Variants in MYO7A observed in about 807,000 individuals in gnomAD.
MYO7A encodes myosin VIIA, also known as unconventional myosin-VIIa.
Under a neutral mutation model 263.8 loss-of-function variants are expected in MYO7A, and 210 were observed. The observed-to-expected ratio is 0.80, with a 90% confidence interval of 0.71 to 0.89. MYO7A has a LOEUF of 0.89. Among genes scored for constraint, MYO7A ranks in the 40% least tolerant of loss-of-function variants. The pLI, the probability that MYO7A is intolerant of heterozygous loss-of-function variation, is 0.00. For synonymous variants in MYO7A, 1,239 were observed against 1,197.3 expected (o/e 1.03, Z -0.72); for missense variants, 2,820 against 2,968.3 (o/e 0.95, Z 1.16).
Position 77,206,210 on chromosome 11 carries a change from T to C in MYO7A, c.5742+8T>C. 1 of 1,604,156 alleles carries C rather than the reference T, an allele frequency of 6.2e-7. No homozygotes were observed. Among genetic ancestry groups the C allele is most frequent in the Non-Finnish European group, 8.5e-7 (1 of 1,173,786 alleles). On this transcript the variant is annotated splice_region_variant and intron_variant, in intron 41 of 48. Transcript: ENST00000409709. ...CCTGATGACACTGACGAGGTGAGGGTCACCGGCTTCTAGGTCTGCAGTGCC... is the reference window on the plus strand; with the variant it reads ...CCTGATGACACTGACGAGGTGAGGGCCACCGGCTTCTAGGTCTGCAGTGCC...
At chr11:77,129,165 C>T (rs1464172049) in intron 1 of MYO7A, among the ~76,000 whole-genome samples, 1 of 152,242 alleles carries the variant, frequency 6.6e-6, no homozygotes, top group Non-Finnish European at 1.5e-5. Context: ...GGCTCTGCCC[C>T]CAGCCCTCAT....
In MYO7A at chr11:77,183,175, G is replaced by A. The variant is rs992245684; in HGVS notation, c.3375+18G>A. The A allele has an allele frequency of 2.4e-5, 37 of 1,549,634 alleles. No homozygotes were observed. Among genetic ancestry groups the A allele is most frequent in the Non-Finnish European group, 3.2e-5 (37 of 1,145,936 alleles). On this transcript the variant is annotated intron_variant, in intron 26 of 48. Coordinates refer to ENST00000409709, the MANE Select transcript of MYO7A (RefSeq NM_000260.4). ...CAGAGGAGGTGAGGGCAGACGCTGGGGGTCTGGCAGCCCAGGGGTGGCTGC... is the reference window on the plus strand; with the variant it reads ...CAGAGGAGGTGAGGGCAGACGCTGGAGGTCTGGCAGCCCAGGGGTGGCTGC...
At chr11:77,212,074 C>T (rs1291522606) in intron 46 of MYO7A, 137 bp downstream of exon 46, 9 of 763,558 alleles carry the variant, frequency 1.2e-5, no homozygotes, top group Non-Finnish European at 1.8e-5. Context: ...GCAGCACCCT[C>T]AGCCTTGTCC....
intron 2 of MYO7A, among the ~76,000 whole-genome samples, chr11:77,136,848 C>T (rs1950921834): frequency 1.3e-5 from 2 of 152,178 alleles, no homozygotes; most frequent in African/African-American, 2.4e-5. Flanking sequence ...TCTTAGTGGC[C>T]ATGCTATCCT....
chr11:77,137,471 A>G (rs530793523), intron 2 of MYO7A, among the ~76,000 whole-genome samples: 1 of 152,262 alleles, frequency 6.6e-6, no homozygotes, highest in East Asian at 1.9e-4. Context: ...AGAGGAAGAA[A>G]AAGGAGGAAA....
intron 2 of MYO7A, among the ~76,000 whole-genome samples, chr11:77,132,466 G>T (rs1555046301): frequency 1.3e-5 from 2 of 148,906 alleles, no homozygotes; most frequent in Non-Finnish European, 3.0e-5. Context: ...GAAAACAGGG[G>T]TTTTGTTTGT....
At position 77,157,393 on chromosome 11, in the gene MYO7A, G is replaced by A. The variant is rs781916556; in HGVS notation, c.849+1G>A. On this transcript the variant is annotated splice_donor_variant, in intron 8 of 48. Transcript: ENST00000409709. LOFTEE classifies it high-confidence loss of function. ...CTCTGACTACAACTACTTGGCCATG[G>A]TGAGGCCCAGGTGGGCCCCTGGGTA... 1.2e-6 allele frequency: 2 copies of A among 1,600,148 alleles called. No homozygotes were observed. Among genetic ancestry groups the A allele is most frequent in the Non-Finnish European group, 1.7e-6 (2 of 1,172,976 alleles).
At chr11:77,181,326 G>A in intron 22 of MYO7A, 54 bp from the exon 23 acceptor site, 1 of 1,484,080 alleles carries the variant, frequency 6.7e-7, no homozygotes, top group Non-Finnish European at 9.0e-7. Context: ...TGTTCCCTGA[G>A]GCTGTGGCAC....
chr11:77,160,276 C>T lies in MYO7A; in HGVS notation c.1194C>T (p.Phe398=), dbSNP rs1347045882. Reference sequence around the variant, plus strand: ...AGGCACTGGACGTGCGCGACGCCTTCGTAAAGGTGGGCTGGAGGGAAGGGG... The same window carrying T: ...AGGCACTGGACGTGCGCGACGCCTTTGTAAAGGTGGGCTGGAGGGAAGGGG... ...REQALDVRDA[F]VKGIYGRLFV... Residue 398 remains phenylalanine, a synonymous_variant, in exon 11 of 49, where the codon TTC becomes TTT. Transcript: ENST00000409709. The T allele has an allele frequency of 1.7e-5, 26 of 1,561,492 alleles. No homozygotes were observed. Among genetic ancestry groups the T allele is most frequent in the African/African-American group, 5.4e-5 (4 of 73,462 alleles).
intron 39 of MYO7A, among the ~76,000 whole-genome samples, chr11:77,204,911 T>C (rs924719253): frequency 3.9e-5 from 6 of 152,148 alleles, no homozygotes; most frequent in African/African-American, 1.4e-4. Flanking sequence ...CTGCATGCCG[T>C]AATTTGCTTC....
At chr11:77,182,358 C>T in intron 24 of MYO7A, 66 bp from the exon 25 acceptor site, 2 of 1,513,080 alleles carry the variant, frequency 1.3e-6, no homozygotes, top group Non-Finnish European at 1.8e-6. Flanking sequence ...CCCAAACCGC[C>T]AGGTCATTTT....
chr11:77,148,139 T>TCTCATC (rs1360049743), intron 4 of MYO7A, among the ~76,000 whole-genome samples, 189 bp downstream of exon 4: 1 of 151,974 alleles, frequency 6.6e-6, no homozygotes, highest in Non-Finnish European at 1.5e-5. Context: ...CTCGGCGGGG[T>TCTCATC]CTCATCCTCT....
intron 44 of MYO7A, among the ~76,000 whole-genome samples, chr11:77,209,721 C>T (rs955715283): frequency 6.6e-5 from 10 of 152,252 alleles, no homozygotes; most frequent in African/African-American, 2.4e-4. Context: ...AGTCTACCAT[C>T]ATCTCTGATC....
chr11:77,202,275 G>A (rs777112868), intron 36 of MYO7A, 25 bp from the exon 37 acceptor site: 5 of 1,568,762 alleles, frequency 3.2e-6, no homozygotes, highest in Non-Finnish European at 4.3e-6. Context: ...GAGCTGACCT[G>A]AGCCCCCTGT....
intron 27 of MYO7A, among the ~76,000 whole-genome samples, chr11:77,185,352 C>G (rs146906077): frequency 6.6e-6 from 1 of 152,190 alleles, no homozygotes; most frequent in South Asian, 2.1e-4. Context: ...CCTCTCAAAC[C>G]CTGCTGCTGC....
chr11:77,157,427 C>T (rs781907347), intron 8 of MYO7A, 35 bp downstream of exon 8: 19 of 1,459,526 alleles, frequency 1.3e-5, no homozygotes, highest in Non-Finnish European at 1.7e-5. Flanking sequence ...TAGGGGGGCA[C>T]CCACCCTAGG....
intron 28 of MYO7A, 108 bp downstream of exon 28, chr11:77,189,578 A>C (rs1591410247): frequency 2.0e-6 from 3 of 1,471,568 alleles, no homozygotes; most frequent in Admixed American, 1.9e-5. Context: ...CACAAGGCCC[A>C]CCCGGCCACT....
chr11:77,205,823 C>T (rs370341066), intron 40 of MYO7A, among the ~76,000 whole-genome samples: 1 of 152,178 alleles, frequency 6.6e-6, no homozygotes, highest in African/African-American at 2.4e-5. Context: ...GTGCTCAGCC[C>T]AGAGCTCCCA....
chr11:77,201,928 AG>A (rs1447948640), intron 36 of MYO7A, among the ~76,000 whole-genome samples: 1 of 151,964 alleles, frequency 6.6e-6, no homozygotes, highest in Admixed American at 6.6e-5. Context: ...ACAGCTGGGA[AG>A]GGGGCCCTGC....
Sources: allele counts gnomAD v4.1 joint callset (sites outside exome capture counted in the v4.1 genomes callset), GRCh38; gene constraint gnomAD v4.1.1; transcripts MANE v1.5; gene names NCBI Gene and HGNC (gene_info 2026-07-23, HGNC 2026-07-21).